The following DOCK9 variants were observed in gnomAD, a reference collection of about 807,000 sequenced individuals.
The protein encoded by DOCK9 is dedicator of cytokinesis 9, also known as dedicator of cytokinesis protein 9.
DOCK9 carries 89 observed loss-of-function variants against 263.3 expected under a neutral mutation model. The observed-to-expected ratio is 0.34, with a 90% CI of 0.28 to 0.40. The LOEUF is 0.40. Among genes scored for constraint, DOCK9 ranks in the 10% least tolerant of loss-of-function variants. The probability of loss-of-function intolerance (pLI) is 1.00; values close to 1 mark genes in which losing one functional copy is unlikely to be tolerated. For missense variants in DOCK9, 2,140 were observed against 2,603.4 expected (o/e 0.82, Z 3.87); for synonymous variants, 976 against 973.1 (o/e 1.00, Z -0.06).
intron 1 of DOCK9, among the ~76,000 whole-genome samples, chr13:99,019,962 C>T (rs1885881766): frequency 6.6e-6 from 1 of 152,146 alleles, no homozygotes; most frequent in Non-Finnish European, 1.5e-5. Flanking sequence ...ACTGGCCAGG[C>T]ATGGTGGTGT....
At chr13:99,010,973 C>T (rs1005777866) in intron 1 of DOCK9, among the ~76,000 whole-genome samples, 1 of 152,244 alleles carries the variant, frequency 6.6e-6, no homozygotes, top group African/African-American at 2.4e-5. Flanking sequence ...TCTCGGCTTA[C>T]TGCAACCTCC....
intron 2 of DOCK9, among the ~76,000 whole-genome samples, chr13:98,947,613 G>T (rs1170600585): frequency 6.7e-6 from 1 of 148,672 alleles, no homozygotes; most frequent in African/African-American, 2.5e-5. Context: ...GGGTTCAAGT[G>T]TCCTGCCTCA....
chr13:98,982,289 A>G (rs1295079047), upstream of DOCK9, among the ~76,000 whole-genome samples: 2 of 152,156 alleles, frequency 1.3e-5, no homozygotes, highest in Non-Finnish European at 2.9e-5. Context: ...GCAAAACTCC[A>G]TCTTCCTCTT....
intron 1 of DOCK9, among the ~76,000 whole-genome samples, chr13:99,038,287 CCTTTTTTTTTTTTTTTT>C (rs1259719601): frequency 1.0e-4 from 5 of 48,834 alleles, no homozygotes; most frequent in South Asian, 2.3e-3. Context: ...TTTATGCCCC[CCTTTTTTTTTTTTTTTT>C]TTTTTTTTTT....
In DOCK9 at chr13:99,040,473, CAAT is replaced by C. The variant is rs980214171; in HGVS notation, c.129+45747_129+45749del. Among the ~76,000 whole-genome samples, 40 of 152,114 alleles carry C rather than the reference CAAT, an allele frequency of 2.6e-4. 1 individual carries two copies. The highest frequency in any genetic ancestry group is 9.2e-4 in the African/African-American group (38 of 41,482). On this transcript the variant is annotated intron_variant, in intron 1 of 32. Coordinates refer to the DOCK9 transcript ENST00000427887. ...TGATGCTGACTTTCTGAGAAACCAA[CAAT>C]ATCATAGTCAGAAATATATAAATTT...
intron 32 of DOCK9, among the ~76,000 whole-genome samples, chr13:98,861,965 A>C (rs1432167039): frequency 6.6e-6 from 1 of 152,182 alleles, no homozygotes; most frequent in Admixed American, 6.5e-5. Flanking sequence ...TAGACTGTGC[A>C]GCACGTTACT....
At chr13:98,832,980 A>C (rs2092824036) in intron 39 of DOCK9, 1 of 152,108 alleles carries the variant, frequency 6.6e-6, no homozygotes, top group Non-Finnish European at 1.5e-5. Context: ...TCAAGGAGTA[A>C]GTTTTTGTTT....
upstream of DOCK9, chr13:99,088,090 G>A (rs1170823822): frequency 6.6e-6 from 1 of 152,326 alleles, no homozygotes; most frequent in Admixed American, 6.5e-5. Flanking sequence ...GGGCAGGTCT[G>A]GAGGTGAGGT....
At chr13:98,885,552 AAT>A in intron 20 of DOCK9, 154 bp downstream of exon 20, 1 of 806,830 alleles carries the variant, frequency 1.2e-6, no homozygotes, top group Non-Finnish European at 1.8e-6. Flanking sequence ...AAAAAAAAAA[AAT>A]TACATATGCA....
chr13:98,937,431 CAGAT>C (rs1249924181), intron 2 of DOCK9, among the ~76,000 whole-genome samples: 1 of 152,060 alleles, frequency 6.6e-6, no homozygotes, highest in Non-Finnish European at 1.5e-5. Context: ...GATCGATAGA[CAGAT>C]AGGTAGATAA....
At chr13:98,888,071 G>A in intron 18 of DOCK9, 87 bp downstream of exon 18, 1 of 841,104 alleles carries the variant, frequency 1.2e-6, no homozygotes, top group Admixed American at 2.7e-5. Flanking sequence ...GTGCTAAACT[G>A]TTGTAGTTGT....
At chr13:99,043,519 C>A (rs1888671433) in intron 1 of DOCK9, among the ~76,000 whole-genome samples, 1 of 152,174 alleles carries the variant, frequency 6.6e-6, no homozygotes, top group South Asian at 2.1e-4. Flanking sequence ...AGCTTTCCAT[C>A]AGTTGCCATG....
intron 1 of DOCK9, among the ~76,000 whole-genome samples, chr13:99,022,713 C>A (rs1379289923): frequency 6.6e-6 from 1 of 152,170 alleles, no homozygotes; most frequent in East Asian, 1.9e-4. Context: ...GAGTCTGAGG[C>A]AGGAGGATCG....
At chr13:99,015,339 G>T in intron 1 of DOCK9, 1 of 969,162 alleles carries the variant, frequency 1.0e-6, no homozygotes, top group Non-Finnish European at 1.4e-6. Flanking sequence ...TATACACACA[G>T]ACTACATACA....
At position 98,794,040 on chromosome 13, in the gene DOCK9, A is replaced by G. The variant is rs1290272134; in HGVS notation, c.*586T>C. On this transcript the variant is annotated 3_prime_UTR_variant, in exon 53 of 53. Transcript: ENST00000682017. ...ACTGCTTGACTAGTTTTAAGCTCAC[A>G]TAATTCCTTAAGCTTTCATATTTTC... The G allele has an allele frequency of 6.5e-6, 1 of 152,774 alleles. No individual in the cohort carries two copies. Among genetic ancestry groups the G allele is most frequent in the East Asian group, 1.9e-4 (1 of 5,200 alleles). 9.5% of individuals were successfully genotyped at this position (152,774 alleles called of 1,614,324 possible). A position where few individuals can be genotyped will look rare whatever the true frequency, so the allele number is the denominator to read the frequency against.
intron 1 of DOCK9, among the ~76,000 whole-genome samples, chr13:99,059,512 T>C (rs543305402): frequency 6.6e-6 from 1 of 152,276 alleles, no homozygotes; most frequent in South Asian, 2.1e-4. Flanking sequence ...TCCTCATCTG[T>C]ATTATTCTAA....
intron 2 of DOCK9, chr13:98,949,825 G>A: frequency 4.2e-6 from 2 of 476,990 alleles, no homozygotes; most frequent in Admixed American, 2.2e-5. Context: ...ACCGAGAGGT[G>A]GAAAGGGTGC....
At chr13:99,042,991 T>C (rs1888613117) in intron 1 of DOCK9, among the ~76,000 whole-genome samples, 1 of 152,216 alleles carries the variant, frequency 6.6e-6, no homozygotes, top group South Asian at 2.1e-4. Flanking sequence ...ATGGCCCTTC[T>C]GAGCTCTCTG....
intron 1 of DOCK9, among the ~76,000 whole-genome samples, chr13:98,960,351 G>C (rs1406870779): frequency 6.6e-6 from 1 of 152,170 alleles, no homozygotes. Flanking sequence ...AGCATGGTGA[G>C]GCCTGGCTGA....
Sources: allele counts gnomAD v4.1 joint callset (sites outside exome capture counted in the v4.1 genomes callset), GRCh38; gene constraint gnomAD v4.1.1; transcripts MANE v1.5; gene names NCBI Gene and HGNC (gene_info 2026-07-23, HGNC 2026-07-21).